The following HMGB1 variants were observed in gnomAD, a reference collection of about 807,000 sequenced individuals.
HMGB1 encodes the protein high mobility group protein B1.
For missense variants in HMGB1, 79 were observed against 253.5 expected, an observed-to-expected ratio of 0.31 and a Z score of 4.67; for synonymous variants, 81 against 84.0, an observed-to-expected ratio of 0.96 and a Z score of 0.19.
chr13:30,534,350 T>C (rs557153198), intron 1 of HMGB1, among the ~76,000 whole-genome samples: 2 of 152,332 alleles, frequency 1.3e-5, no homozygotes. Flanking sequence ...CTCCCTTCTT[T>C]GGGCGAAAGC....
At chr13:30,521,683 T>C (rs568875557) in intron 1 of HMGB1, among the ~76,000 whole-genome samples, 1 of 152,372 alleles carries the variant, frequency 6.6e-6, no homozygotes, top group East Asian at 1.9e-4. Context: ...AGCATTCATG[T>C]ACAAGATTTT....
chr13:30,566,425 C>T (rs1167550924), intron 1 of HMGB1, among the ~76,000 whole-genome samples: 1 of 152,180 alleles, frequency 6.6e-6, no homozygotes, highest in Non-Finnish European at 1.5e-5. Flanking sequence ...AGCAACCCTC[C>T]ACAATACATA....
chr13:30,568,033 AGCTC>A (rs1349550110), intron 1 of HMGB1, among the ~76,000 whole-genome samples: 2 of 152,164 alleles, frequency 1.3e-5, no homozygotes, highest in Admixed American at 6.5e-5. Flanking sequence ...CGGGCAGTGA[AGCTC>A]TAGTGTTCCC....
intron 1 of HMGB1, among the ~76,000 whole-genome samples, chr13:30,507,693 A>G (rs1255538482): frequency 6.6e-6 from 1 of 152,246 alleles, no homozygotes; most frequent in Non-Finnish European, 1.5e-5. Flanking sequence ...TTACCTACAC[A>G]GAAGACATCC....
chr13:30,599,734 T>A (rs1047529290), intron 1 of HMGB1, among the ~76,000 whole-genome samples: 3 of 152,188 alleles, frequency 2.0e-5, no homozygotes, highest in Non-Finnish European at 4.4e-5. Flanking sequence ...CATATTGGAT[T>A]AGGGTCCACC....
chr13:30,589,302 G>A (rs989084785), intron 1 of HMGB1, among the ~76,000 whole-genome samples: 8 of 152,080 alleles, frequency 5.3e-5, no homozygotes, highest in Non-Finnish European at 1.0e-4. Context: ...ACCGCGCCCG[G>A]CCTATCATTC....
upstream of HMGB1, among the ~76,000 whole-genome samples, chr13:30,470,407 T>A (rs1886892074): frequency 6.6e-6 from 1 of 152,168 alleles, no homozygotes; most frequent in Non-Finnish European, 1.5e-5. Flanking sequence ...ATACTAAGAT[T>A]GAGGATAGGT....
chr13:30,591,767 T>G (rs946631803), intron 1 of HMGB1, among the ~76,000 whole-genome samples: 14 of 152,224 alleles, frequency 9.2e-5, no homozygotes, highest in African/African-American at 3.4e-4. Context: ...CTACCACGCA[T>G]GCCTGGCCAC....
At chr13:30,523,224 T>G (rs1485844882) in intron 1 of HMGB1, among the ~76,000 whole-genome samples, 1 of 152,218 alleles carries the variant, frequency 6.6e-6, no homozygotes, top group African/African-American at 2.4e-5. Flanking sequence ...CTGAGAGAAC[T>G]GAAAAAATTT....
At chr13:30,582,447 G>C (rs1489527454) in intron 1 of HMGB1, among the ~76,000 whole-genome samples, 1 of 151,916 alleles carries the variant, frequency 6.6e-6, no homozygotes, top group African/African-American at 2.4e-5. Context: ...GACCATCCTG[G>C]CTGACACGGT....
chr13:30,501,483 G>A (rs1887734348), intron 1 of HMGB1, among the ~76,000 whole-genome samples: 2 of 152,032 alleles, frequency 1.3e-5, no homozygotes, highest in South Asian at 4.1e-4. Context: ...AGATCCTTAA[G>A]GATCTCCAAA....
chr13:30,549,995 G>T (rs1028300622), intron 1 of HMGB1, among the ~76,000 whole-genome samples: 1 of 152,156 alleles, frequency 6.6e-6, no homozygotes, highest in Non-Finnish European at 1.5e-5. Context: ...GGGGTTACAG[G>T]CATGAGCCAC....
At chr13:30,606,550 C>T (rs563092486) in intron 1 of HMGB1, among the ~76,000 whole-genome samples, 6 of 152,222 alleles carry the variant, frequency 3.9e-5, no homozygotes, top group East Asian at 1.9e-4. Flanking sequence ...ATAGTGCCTC[C>T]GAACACTTGA....
intron 1 of HMGB1, among the ~76,000 whole-genome samples, chr13:30,489,752 T>C (rs1418790261): frequency 2.4e-4 from 31 of 126,684 alleles, no homozygotes; most frequent in Admixed American, 2.2e-3. Context: ...TTTTTTTTCC[T>C]GAGACGGAGT....
chr13:30,603,633 G>A (rs1257398820), intron 1 of HMGB1, among the ~76,000 whole-genome samples: 1 of 152,130 alleles, frequency 6.6e-6, no homozygotes, highest in Non-Finnish European at 1.5e-5. Context: ...ATCAAAATCT[G>A]CATGAGCAGC....
intron 1 of HMGB1, among the ~76,000 whole-genome samples, chr13:30,522,681 A>T (rs938279640): frequency 5.9e-5 from 9 of 151,858 alleles, no homozygotes; most frequent in African/African-American, 2.2e-4. Flanking sequence ...TGGATGTGAT[A>T]TTGGGAAAAG....
Position 30,459,071 on chromosome 13 carries a change from T to G in HMGB1, c.*2286A>C, listed in dbSNP as rs750985275. 3.3e-5 allele frequency: 5 copies of G among 152,238 alleles called. No individual in the cohort carries two copies. The highest frequency in any genetic ancestry group is 7.3e-5 in the Non-Finnish European group (5 of 68,036). 9.4% of individuals were successfully genotyped at this position (152,238 alleles called of 1,614,324 possible). On this transcript the variant is annotated 3_prime_UTR_variant, in exon 5 of 5. Transcript: ENST00000341423. The stretch of plus-strand genomic sequence containing the variant: ...AATTATAGATTTAGTCTTTTCTTGA[T>G]GTCAACAAAGTCTTTAAACCCCACA...
At chr13:30,553,803 C>T (rs1043166169) in intron 1 of HMGB1, 170 of 1,385,728 alleles carry the variant, frequency 1.2e-4, no homozygotes, top group Non-Finnish European at 1.6e-4. Flanking sequence ...AAACAGAAAT[C>T]GAAATAGATA....
At chr13:30,531,658 G>A (rs1888499438) in intron 1 of HMGB1, among the ~76,000 whole-genome samples, 1 of 151,906 alleles carries the variant, frequency 6.6e-6, no homozygotes, top group Non-Finnish European at 1.5e-5. Flanking sequence ...CCAGCACTTT[G>A]GGAGGCCGAG....
Sources: allele counts gnomAD v4.1 joint callset (sites outside exome capture counted in the v4.1 genomes callset), GRCh38; gene constraint gnomAD v4.1.1; transcripts MANE v1.5; gene names NCBI Gene and HGNC (gene_info 2026-07-23, HGNC 2026-07-21).